CCDC93: variants seen among roughly 807,000 people sequenced by gnomAD.
CCDC93 encodes CCC complex scaffolding subunit CCDC93, also known as coiled-coil domain-containing protein 93.
Under a neutral mutation model 108.2 loss-of-function variants are expected in CCDC93, and 61 were observed. The observed-to-expected ratio is 0.56, with a 90% CI of 0.46 to 0.70. CCDC93 has a LOEUF of 0.70. Ranked by LOEUF, CCDC93 falls within the 30% of genes least tolerant of loss-of-function variation. CCDC93 has a pLI of 0.00. For synonymous variants in CCDC93, 276 were observed against 260.4 expected, an observed-to-expected ratio of 1.06 and a Z score of -0.58; for missense variants, 685 against 764.2, an observed-to-expected ratio of 0.90 and a Z score of 1.22.
At position 117,973,982 on chromosome 2, in the gene CCDC93, C is replaced by A. The variant is rs377718905; in HGVS notation, c.814G>T (p.Ala272Ser). ...CCCACAATCTGGCCCACGGAGCTTG[C>A]GGTGAGACGGCTCTGCAAGTATATG... ...AMANEESRLT[A>S]SSVGQIVGLC... The change falls in exon 11 of 24, where the codon GCA becomes TCA. Residue 272 changes from alanine (A) to serine (S), a missense_variant. Ala to Ser is a moderately conservative substitution (Grantham distance 99, BLOSUM62 1). Coordinates refer to ENST00000376300, the MANE Select transcript of CCDC93 (RefSeq NM_019044.5). 6.2e-7 allele frequency: 1 copy of A among 1,608,624 alleles called. No individual in the cohort carries two copies. The highest frequency in any genetic ancestry group is 8.5e-7 in the Non-Finnish European group (1 of 1,176,944).
At chr2:117,980,867 C>G (rs1448935848) in intron 7 of CCDC93, among the ~76,000 whole-genome samples, 1 of 152,166 alleles carries the variant, frequency 6.6e-6, no homozygotes, top group Non-Finnish European at 1.5e-5. Flanking sequence ...TTCCCTCTTC[C>G]CAGCCCTTGG....
intron 11 of CCDC93, among the ~76,000 whole-genome samples, chr2:117,962,735 G>A (rs749762603): frequency 6.6e-6 from 1 of 152,118 alleles, no homozygotes; most frequent in Non-Finnish European, 1.5e-5. Flanking sequence ...GTTAAATTTC[G>A]GAAGGCCAAA....
chr2:118,000,445 G>A (rs1464331274), intron 4 of CCDC93, among the ~76,000 whole-genome samples: 1 of 152,076 alleles, frequency 6.6e-6, no homozygotes, highest in South Asian at 2.1e-4. Context: ...ATAAACCTGG[G>A]GAAATCTGAA....
intron 11 of CCDC93, among the ~76,000 whole-genome samples, chr2:117,969,782 G>A (rs7582655): frequency 0.37 from 55,547 of 151,988 alleles, 10,936 homozygotes; most frequent in African/African-American, 0.49. Flanking sequence ...TAGCTATTAC[G>A]CATACATAGC....
intron 23 of CCDC93, among the ~76,000 whole-genome samples, chr2:117,920,711 G>A (rs1174319867): frequency 6.6e-6 from 1 of 152,148 alleles, no homozygotes; most frequent in Non-Finnish European, 1.5e-5. Context: ...ACACTTATCT[G>A]CCAGTCTTGG....
intron 23 of CCDC93, among the ~76,000 whole-genome samples, chr2:117,928,150 T>C (rs1411680504): frequency 2.6e-5 from 4 of 152,064 alleles, no homozygotes; most frequent in Admixed American, 6.6e-5. Flanking sequence ...CCTAAAACCA[T>C]AAAAACCCTA....
At chr2:117,972,778 T>A (rs1679806231) in intron 11 of CCDC93, among the ~76,000 whole-genome samples, 1 of 152,222 alleles carries the variant, frequency 6.6e-6, no homozygotes, top group Non-Finnish European at 1.5e-5. Context: ...TCATTTGTAC[T>A]TTTAGGATAA....
At chr2:117,943,370 G>T (rs1286438476) in intron 18 of CCDC93, among the ~76,000 whole-genome samples, 2 of 152,148 alleles carry the variant, frequency 1.3e-5, no homozygotes, top group Non-Finnish European at 2.9e-5. Flanking sequence ...ATTTAGTTCT[G>T]TGCCTCTTTA....
chr2:117,967,630 G>C (rs777940876), intron 11 of CCDC93, among the ~76,000 whole-genome samples: 7 of 152,134 alleles, frequency 4.6e-5, no homozygotes, highest in Non-Finnish European at 8.8e-5. Context: ...CCTAGCCAAG[G>C]AGAAAGATTG....
intron 7 of CCDC93, among the ~76,000 whole-genome samples, chr2:117,978,712 A>G (rs1680019148): frequency 6.6e-6 from 1 of 152,168 alleles, no homozygotes; most frequent in Non-Finnish European, 1.5e-5. Flanking sequence ...TTAAGAACAA[A>G]TTGAGCCAGG....
chr2:117,961,700 T>C (rs955718185), intron 11 of CCDC93, among the ~76,000 whole-genome samples: 1 of 152,058 alleles, frequency 6.6e-6, no homozygotes, highest in African/African-American at 2.4e-5. Flanking sequence ...AGAGATACGA[T>C]GAGAAAGAAA....
At chr2:117,947,331 C>A (rs1678904441) in intron 15 of CCDC93, among the ~76,000 whole-genome samples, 1 of 152,102 alleles carries the variant, frequency 6.6e-6, no homozygotes, top group Non-Finnish European at 1.5e-5. Context: ...TGCTGAAGTG[C>A]CTTTTCCTCC....
chr2:117,995,539 G>A (rs756620708), intron 5 of CCDC93, 37 bp from the exon 6 acceptor site: 3 of 1,549,086 alleles, frequency 1.9e-6, no homozygotes, highest in Admixed American at 1.7e-5. Context: ...CAAATCCCAA[G>A]GGAAAATTAA....
rs765129613 is a variant in CCDC93 at position 117,958,454 on chromosome 2, G to A, written c.916C>T (p.Pro306Ser). 2 of 1,612,312 alleles carry A rather than the reference G, an allele frequency of 1.2e-6. No homozygotes were observed. The highest frequency in any genetic ancestry group is 1.7e-6 in the Non-Finnish European group (2 of 1,178,432). Residue 306 changes from proline (P) to serine (S), a missense_variant, in exon 12 of 24, where the codon CCA (proline) becomes TCA (serine). Coordinates refer to ENST00000376300, the MANE Select transcript of CCDC93 (RefSeq NM_019044.5). ...AGCTGGGAGGTTCCTAATTTTTCTG[G>A]ACTTTCTTCAGCTGATAGCTCAGAC... ...KQSELSAEES[P>S]EKLGTSQLHR... is the part of the protein sequence containing the mutation.
chr2:117,992,720 G>GCAA (rs900611911), intron 6 of CCDC93, among the ~76,000 whole-genome samples: 1 of 151,874 alleles, frequency 6.6e-6, no homozygotes, highest in African/African-American at 2.4e-5. Flanking sequence ...TTATTAAAAA[G>GCAA]CAACAACAAC....
chr2:117,966,440 T>C (rs1290542983), intron 11 of CCDC93, among the ~76,000 whole-genome samples: 2 of 152,224 alleles, frequency 1.3e-5, no homozygotes, highest in Non-Finnish European at 2.9e-5. Context: ...CACTAAATAC[T>C]TCCAGTTCTG....
intron 3 of CCDC93, among the ~76,000 whole-genome samples, chr2:118,001,837 T>G (rs1251177612): frequency 1.3e-5 from 2 of 152,324 alleles, no homozygotes; most frequent in South Asian, 4.1e-4. Context: ...CTCGAATCAG[T>G]TGGCATTTCA....
In CCDC93 at chr2:117,917,069, T is replaced by G. The variant is rs1487566038; in HGVS notation, c.*3274A>C. The G allele has an allele frequency of 6.6e-6, 1 of 152,400 alleles. No homozygotes were observed. The highest frequency in any genetic ancestry group is 1.5e-5 in the Non-Finnish European group (1 of 68,046). 9.4% of individuals were successfully genotyped at this position (152,400 alleles called of 1,614,324 possible). On this transcript the variant is annotated 3_prime_UTR_variant, in exon 24 of 24. Coordinates refer to ENST00000376300, the MANE Select transcript of CCDC93 (RefSeq NM_019044.5). The stretch of plus-strand genomic sequence containing the variant: ...CTTCCTCAATGCATGTTTCAACATC[T>G]GCACTTCAGAACAAGTGGTCAGGCT...
chr2:117,919,300 C>T lies in CCDC93; in HGVS notation c.*1043G>A, dbSNP rs1677786464. 1 of 152,176 alleles carries T rather than the reference C, an allele frequency of 6.6e-6. No individual in the cohort carries two copies. The highest frequency in any genetic ancestry group is 2.4e-5 in the African/African-American group (1 of 41,424). 9.4% of individuals were successfully genotyped at this position (152,176 alleles called of 1,614,324 possible). ...CATGCATGCCTTGTACTCCTCTGCA[C>T]TCTCTTGGGTTTTTAATCATAGTGT... is the stretch of plus-strand genomic sequence containing the variant. On this transcript the variant is annotated 3_prime_UTR_variant, in exon 24 of 24. Coordinates refer to ENST00000376300, the MANE Select transcript of CCDC93 (RefSeq NM_019044.5).
Sources: allele counts gnomAD v4.1 joint callset (sites outside exome capture counted in the v4.1 genomes callset), GRCh38; gene constraint gnomAD v4.1.1; transcripts MANE v1.5; gene names NCBI Gene and HGNC (gene_info 2026-07-23, HGNC 2026-07-21).